BRINP1: variants seen among roughly 807,000 people sequenced by gnomAD.
BRINP1 encodes the protein BMP/retinoic acid-inducible neural-specific protein 1.
Under a neutral mutation model 72.9 loss-of-function variants are expected in BRINP1, and 17 were observed. That is an observed-to-expected ratio of 0.23 (90% CI 0.16 to 0.35). BRINP1 has a LOEUF of 0.35. Among genes scored for constraint, BRINP1 ranks in the 10% least tolerant of loss-of-function variants. BRINP1 has a pLI of 1.00. For synonymous variants in BRINP1, 418 were observed against 378.5 expected (o/e 1.10, Z -1.21); for missense variants, 850 against 1,001.6 (o/e 0.85, Z 2.04).
intron 1 of BRINP1, among the ~76,000 whole-genome samples, chr9:119,315,584 T>A (rs1831116655): frequency 6.6e-6 from 1 of 152,170 alleles, no homozygotes; most frequent in Non-Finnish European, 1.5e-5. Flanking sequence ...TATAATTGTT[T>A]AAGTGAAAGG....
At chr9:119,180,173 C>T (rs1399865359) in intron 7 of BRINP1, among the ~76,000 whole-genome samples, 1 of 152,182 alleles carries the variant, frequency 6.6e-6, no homozygotes, top group Non-Finnish European at 1.5e-5. Context: ...GGAAGAAAAA[C>T]AGATCTAGGT....
intron 5 of BRINP1, among the ~76,000 whole-genome samples, chr9:119,218,433 G>T (rs1830003945): frequency 2.0e-5 from 3 of 151,930 alleles, no homozygotes; most frequent in Admixed American, 2.0e-4. Flanking sequence ...ATAAGCCACT[G>T]CACCCTAACA....
chr9:119,298,436 T>A (rs1830903955), intron 2 of BRINP1, among the ~76,000 whole-genome samples: 1 of 152,202 alleles, frequency 6.6e-6, no homozygotes, highest in Non-Finnish European at 1.5e-5. Flanking sequence ...GAAACAAGAC[T>A]TGAATGCTTA....
chr9:119,245,557 T>G (rs564098984), intron 3 of BRINP1, among the ~76,000 whole-genome samples: 12 of 152,292 alleles, frequency 7.9e-5, no homozygotes, highest in Admixed American at 1.3e-4. Context: ...ATTCACATGA[T>G]GTATTTTATT....
intron 2 of BRINP1, among the ~76,000 whole-genome samples, chr9:119,286,571 CAT>C (rs1830763196): frequency 1.3e-5 from 2 of 152,174 alleles, no homozygotes; most frequent in African/African-American, 4.8e-5. Flanking sequence ...ACAAATTTAA[CAT>C]GTGTCTACTG....
intron 7 of BRINP1, among the ~76,000 whole-genome samples, chr9:119,197,840 A>G (rs975811213): frequency 1.3e-5 from 2 of 152,264 alleles, no homozygotes; most frequent in Non-Finnish European, 1.5e-5. Flanking sequence ...TGAAATAACT[A>G]AATTAAAACT....
chr9:119,353,737 C>T (rs1831527531), intron 1 of BRINP1, among the ~76,000 whole-genome samples: 1 of 151,576 alleles, frequency 6.6e-6, no homozygotes, highest in African/African-American at 2.4e-5. Context: ...ATTTTCTAGC[C>T]CTTTCTCCTC....
At chr9:119,353,890 C>T (rs1403415236) in intron 1 of BRINP1, among the ~76,000 whole-genome samples, 1 of 130,586 alleles carries the variant, frequency 7.7e-6, no homozygotes, top group African/African-American at 3.0e-5. Context: ...TAATTGAGAC[C>T]CTGCTGTTCC....
intron 2 of BRINP1, among the ~76,000 whole-genome samples, chr9:119,293,935 A>T (rs1830847282): frequency 6.6e-6 from 1 of 152,166 alleles, no homozygotes; most frequent in African/African-American, 2.4e-5. Context: ...AATACATAAA[A>T]GTAATAAAAG....
In BRINP1 at chr9:119,298,272, T is replaced by C. The variant is rs577423912; in HGVS notation, c.218+14866A>G. Among the ~76,000 whole-genome samples the C allele has an allele frequency of 1.2e-3, 187 of 152,332 alleles. 1 individual carries two copies. Among genetic ancestry groups the C allele is most frequent in the Middle Eastern group, 6.8e-3 (2 of 294 alleles). ...AATAGGGCCCATATTTACATGACAG[T>C]GCATGGTTTACCAAGCACATTTACT... On this transcript the variant is annotated intron_variant, in intron 2 of 7. Transcript: ENST00000265922.
intron 2 of BRINP1, among the ~76,000 whole-genome samples, chr9:119,278,224 G>A (rs186774871): frequency 1.1e-4 from 16 of 152,022 alleles, no homozygotes; most frequent in African/African-American, 3.9e-4. Flanking sequence ...TGACTTCCTG[G>A]AGCCCCTGCT....
At chr9:119,244,766 T>G (rs1235972742) in intron 3 of BRINP1, among the ~76,000 whole-genome samples, 5 of 152,222 alleles carry the variant, frequency 3.3e-5, no homozygotes, top group Non-Finnish European at 5.9e-5. Flanking sequence ...ATGTTCTGTT[T>G]AGAATTGCTT....
chr9:119,221,245 G>A (rs995780417), intron 5 of BRINP1, among the ~76,000 whole-genome samples: 16 of 152,076 alleles, frequency 1.1e-4, no homozygotes, highest in Admixed American at 5.2e-4. Flanking sequence ...GTCCATTTCC[G>A]AAATGCACAA....
chr9:119,314,457 C>T (rs1196905382), intron 1 of BRINP1, among the ~76,000 whole-genome samples: 1 of 152,198 alleles, frequency 6.6e-6, no homozygotes, highest in Non-Finnish European at 1.5e-5. Context: ...CCTCCGCCTC[C>T]AGGGTTCAAG....
At chr9:119,295,145 T>A (rs1186511992) in intron 2 of BRINP1, among the ~76,000 whole-genome samples, 1 of 149,778 alleles carries the variant, frequency 6.7e-6, no homozygotes, top group Non-Finnish European at 1.5e-5. Context: ...AATGCATTAT[T>A]TTTTATTATT....
chr9:119,288,158 G>C (rs1017653855), intron 2 of BRINP1, among the ~76,000 whole-genome samples: 1 of 152,180 alleles, frequency 6.6e-6, no homozygotes, highest in East Asian at 1.9e-4. Context: ...CATGCAAAAG[G>C]ATTCCTTCCC....
chr9:119,219,584 G>C (rs537487095), intron 5 of BRINP1, among the ~76,000 whole-genome samples: 1 of 151,276 alleles, frequency 6.6e-6, no homozygotes, highest in African/African-American at 2.4e-5. Flanking sequence ...AGGCAGCTGT[G>C]CTGTGGATAC....
intron 2 of BRINP1, among the ~76,000 whole-genome samples, chr9:119,253,874 A>G (rs1830419080): frequency 6.6e-6 from 1 of 152,218 alleles, no homozygotes; most frequent in Non-Finnish European, 1.5e-5. Flanking sequence ...AGTAGATTAC[A>G]GTCTATAAAC....
At chr9:119,220,673 A>T (rs762636534) in intron 5 of BRINP1, among the ~76,000 whole-genome samples, 17 of 152,238 alleles carry the variant, frequency 1.1e-4, no homozygotes, top group Non-Finnish European at 2.1e-4. Flanking sequence ...TAAAACATTA[A>T]AAGTAGTATT....
Sources: gnomAD v4.1 joint callset for allele counts (sites outside exome capture counted in the v4.1 genomes callset) on GRCh38, gnomAD v4.1.1 for gene constraint, MANE v1.5 for transcripts, NCBI Gene and HGNC (gene_info 2026-07-23, HGNC 2026-07-21) for gene names.